The following AAMDC variants were observed in gnomAD, a reference collection of about 807,000 sequenced individuals.
The protein encoded by AAMDC is adipogenesis associated Mth938 domain containing.
A neutral mutation model predicts 15.5 loss-of-function variants in AAMDC; 16 were observed. The observed-to-expected ratio is 1.03, with a 90% CI of 0.70 to 1.57. The LOEUF is 1.57. Among genes scored for constraint, AAMDC ranks in the 40% most tolerant of loss-of-function variants. The pLI is 0.00. For synonymous variants in AAMDC, 51 were observed against 51.6 expected, an observed-to-expected ratio of 0.99 and a Z score of 0.05; for missense variants, 141 against 144.9, an observed-to-expected ratio of 0.97 and a Z score of 0.14.
At chr11:77,825,430 C>T (rs539287449) in intron 1 of AAMDC, among the ~76,000 whole-genome samples, 39 of 152,150 alleles carry the variant, frequency 2.6e-4, no homozygotes, top group African/African-American at 8.2e-4. Flanking sequence ...AAACAAGCTG[C>T]GCACGGTGGT....
chr11:77,861,290 A>T (rs1026530719), intron 2 of AAMDC, among the ~76,000 whole-genome samples: 1 of 152,212 alleles, frequency 6.6e-6, no homozygotes, highest in Non-Finnish European at 1.5e-5. Context: ...GCATGTGAAA[A>T]GAGTAAAGTT....
intron 5 of AAMDC, among the ~76,000 whole-genome samples, chr11:77,878,496 C>T (rs1185041329): frequency 6.6e-6 from 1 of 152,006 alleles, no homozygotes; most frequent in African/African-American, 2.4e-5. Flanking sequence ...CCTTCAGCAA[C>T]TGTCAATGGT....
At chr11:77,896,442 A>G (rs1321654527) in intron 5 of AAMDC, among the ~76,000 whole-genome samples, 1 of 152,182 alleles carries the variant, frequency 6.6e-6, no homozygotes, top group Non-Finnish European at 1.5e-5. Context: ...ACCGGAGGTC[A>G]GAAGTTCAAG....
At chr11:77,837,682 T>G (rs1949747107) in intron 1 of AAMDC, among the ~76,000 whole-genome samples, 1 of 152,160 alleles carries the variant, frequency 6.6e-6, no homozygotes, top group African/African-American at 2.4e-5. Flanking sequence ...GTGATCCACC[T>G]GCTTTGGCCA....
intron 2 of AAMDC, among the ~76,000 whole-genome samples, chr11:77,846,482 G>A (rs1202765760): frequency 4.6e-5 from 7 of 152,134 alleles, no homozygotes; most frequent in Admixed American, 1.3e-4. Context: ...TGAGGCAGGC[G>A]GATCACCTGA....
At chr11:77,867,703 AAACTCT>A (rs950713685) in intron 2 of AAMDC, among the ~76,000 whole-genome samples, 9 of 152,216 alleles carry the variant, frequency 5.9e-5, no homozygotes, top group Non-Finnish European at 1.3e-4. Flanking sequence ...GGTAGTTCCC[AAACTCT>A]AACTCCCATA....
chr11:77,879,703 A>G (rs1241285497), intron 5 of AAMDC, among the ~76,000 whole-genome samples: 2 of 152,322 alleles, frequency 1.3e-5, no homozygotes, highest in East Asian at 1.9e-4. Flanking sequence ...TAGTGTCTCT[A>G]TGTGGCAGGT....
intron 5 of AAMDC, among the ~76,000 whole-genome samples, chr11:77,895,123 C>CT (rs144920536): frequency 0.098 from 14,986 of 152,162 alleles, 1,075 homozygotes; most frequent in Admixed American, 0.18. Context: ...TTTCATTTCA[C>CT]TAAAAAGTTA....
intron 2 of AAMDC, among the ~76,000 whole-genome samples, chr11:77,849,391 T>C (rs1950279329): frequency 6.6e-6 from 1 of 152,012 alleles, no homozygotes; most frequent in Non-Finnish European, 1.5e-5. Flanking sequence ...CCGGCTAATT[T>C]CTTTTGTATT....
intron 5 of AAMDC, among the ~76,000 whole-genome samples, chr11:77,900,369 G>A (rs1366419054): frequency 6.6e-6 from 1 of 152,092 alleles, no homozygotes; most frequent in Non-Finnish European, 1.5e-5. Context: ...AAAGTGCTGG[G>A]ATTACAGGTG....
chr11:77,842,378 C>A, intron 1 of AAMDC, 101 bp from the exon 2 acceptor site: 1 of 1,117,040 alleles, frequency 9.0e-7, no homozygotes, highest in Non-Finnish European at 1.3e-6. Flanking sequence ...TGAAAAGATG[C>A]TTCTTAAATC....
intron 2 of AAMDC, among the ~76,000 whole-genome samples, chr11:77,869,517 A>G (rs572384172): frequency 4.0e-5 from 6 of 151,474 alleles, no homozygotes; most frequent in East Asian, 1.9e-4. Context: ...CGGTCTCCCT[A>G]TGTTGCCCAG....
At chr11:77,857,675 A>G (rs1950681012) in intron 2 of AAMDC, among the ~76,000 whole-genome samples, 1 of 149,452 alleles carries the variant, frequency 6.7e-6, no homozygotes, top group Non-Finnish European at 1.5e-5. Context: ...GGTTTGCTGC[A>G]CCTATCAACC....
intron 2 of AAMDC, among the ~76,000 whole-genome samples, chr11:77,860,097 T>C (rs1460805294): frequency 1.3e-5 from 2 of 152,214 alleles, no homozygotes; most frequent in African/African-American, 2.4e-5. Flanking sequence ...CTCTCAGACA[T>C]GTGTAAGGAC....
chr11:77,842,409 A>G, intron 1 of AAMDC, 70 bp from the exon 2 acceptor site: 2 of 1,403,108 alleles, frequency 1.4e-6, no homozygotes, highest in Non-Finnish European at 2.0e-6. Context: ...AGGGCTTAGT[A>G]TCACTGTATT....
At chr11:77,895,098 C>T (rs1952454097) in intron 5 of AAMDC, among the ~76,000 whole-genome samples, 1 of 151,838 alleles carries the variant, frequency 6.6e-6, no homozygotes, top group South Asian at 2.1e-4. Context: ...CTTGGCCTCA[C>T]AGTACTTGAG....
intron 1 of AAMDC, among the ~76,000 whole-genome samples, chr11:77,831,697 T>C (rs1328327977): frequency 6.7e-6 from 1 of 149,984 alleles, no homozygotes; most frequent in East Asian, 2.0e-4. Context: ...TAGGTATCTT[T>C]TTTTTTTTTT....
At chr11:77,886,730 G>A (rs1952027551) in intron 5 of AAMDC, among the ~76,000 whole-genome samples, 1 of 152,176 alleles carries the variant, frequency 6.6e-6, no homozygotes, top group African/African-American at 2.4e-5. Context: ...CACGAGAGGT[G>A]TAGAATAGGT....
chr11:77,867,459 C>T (rs1232274481), intron 2 of AAMDC, among the ~76,000 whole-genome samples: 13 of 152,194 alleles, frequency 8.5e-5, no homozygotes, highest in Non-Finnish European at 5.9e-5. Flanking sequence ...TGCACATTTT[C>T]ACTAACCTTA....
Sources: gnomAD v4.1 joint callset for allele counts (sites outside exome capture counted in the v4.1 genomes callset) on GRCh38, gnomAD v4.1.1 for gene constraint, MANE v1.5 for transcripts, NCBI Gene and HGNC (gene_info 2026-07-23, HGNC 2026-07-21) for gene names.